Variants in KAZN observed in about 807,000 individuals in gnomAD.
KAZN encodes the protein kazrin, periplakin interacting protein, also known as kazrin.
KAZN carries 40 observed loss-of-function variants against 87.4 expected under a neutral mutation model. The observed-to-expected ratio is 0.46, with a 90% CI of 0.36 to 0.60. The LOEUF (loss-of-function observed/expected upper bound fraction) is 0.60, where lower values mean the gene tolerates loss of function less well. Ranked by LOEUF, KAZN falls within the 20% of genes least tolerant of loss-of-function variation. KAZN has a pLI of 0.00. For synonymous variants in KAZN, 466 were observed against 458.3 expected, an observed-to-expected ratio of 1.02 and a Z score of -0.22; for missense variants, 898 against 1,073.9, an observed-to-expected ratio of 0.84 and a Z score of 2.29.
intron 2 of KAZN, among the ~76,000 whole-genome samples, chr1:14,259,916 A>C (rs753639855): frequency 6.6e-5 from 10 of 152,168 alleles, no homozygotes; most frequent in Non-Finnish European, 1.0e-4. Flanking sequence ...TGAACATATA[A>C]ATGGGCTGTT....
chr1:14,709,448 A>G (rs1002804894), intron 1 of KAZN, among the ~76,000 whole-genome samples: 8 of 152,212 alleles, frequency 5.3e-5, no homozygotes, highest in African/African-American at 1.9e-4. Flanking sequence ...CCAATGAGGC[A>G]GCTCTGAAGA....
intron 2 of KAZN, among the ~76,000 whole-genome samples, chr1:14,362,817 C>A (rs1659631625): frequency 6.6e-6 from 1 of 152,116 alleles, no homozygotes; most frequent in Non-Finnish European, 1.5e-5. Flanking sequence ...TATTTGACTC[C>A]AAGGGGTATA....
chr1:13,992,726 T>G (rs1167255289), intron 1 of KAZN, among the ~76,000 whole-genome samples: 1 of 152,122 alleles, frequency 6.6e-6, no homozygotes, highest in East Asian at 1.9e-4. Flanking sequence ...GACGAGCATC[T>G]TCTTTACTGA....
chr1:13,930,507 T>C (rs1640468666), intron 1 of KAZN, among the ~76,000 whole-genome samples: 1 of 152,220 alleles, frequency 6.6e-6, no homozygotes, highest in African/African-American at 2.4e-5. Context: ...TCCCCCTTTT[T>C]CCCTTTCTCT....
intron 2 of KAZN, among the ~76,000 whole-genome samples, chr1:14,247,182 A>T (rs74500873): frequency 0.013 from 1,938 of 152,274 alleles, 18 homozygotes; most frequent in South Asian, 0.026. Context: ...AAAAATACGG[A>T]TTTTTAAAAT....
chr1:14,200,863 TTAATGA>T (rs1368440364), intron 2 of KAZN, among the ~76,000 whole-genome samples: 5 of 152,132 alleles, frequency 3.3e-5, no homozygotes, highest in Middle Eastern at 3.2e-3. Context: ...TTTTTTTAAT[TTAATGA>T]TAATTTTTTG....
chr1:15,048,653 G>A (rs1486108222), intron 4 of KAZN, among the ~76,000 whole-genome samples: 9 of 147,930 alleles, frequency 6.1e-5, no homozygotes, highest in African/African-American at 1.5e-4. Flanking sequence ...GTCCTGGGTC[G>A]TCGGTCCTGG....
At chr1:13,938,365 T>C (rs1323192824) in intron 1 of KAZN, among the ~76,000 whole-genome samples, 1 of 151,534 alleles carries the variant, frequency 6.6e-6, no homozygotes, top group Non-Finnish European at 1.5e-5. Context: ...TTTTTGTACA[T>C]TGATTTTTTT....
intron 1 of KAZN, among the ~76,000 whole-genome samples, chr1:14,665,061 G>A (rs1327918919): frequency 1.3e-5 from 2 of 152,184 alleles, no homozygotes; most frequent in Non-Finnish European, 2.9e-5. Context: ...GGACTGGTTC[G>A]ATATTTTTAC....
At chr1:14,466,954 GCA>G (rs200498710) in intron 2 of KAZN, among the ~76,000 whole-genome samples, 19,030 of 152,192 alleles carry the variant, frequency 0.13, 1,549 homozygotes, top group Non-Finnish European at 0.19. Flanking sequence ...GGGCGACAGT[GCA>G]AGACTCTGTC....
chr1:13,986,484 A>G (rs534184304), intron 1 of KAZN, among the ~76,000 whole-genome samples: 2 of 152,358 alleles, frequency 1.3e-5, no homozygotes, highest in South Asian at 2.1e-4. Context: ...ATTAATTTTT[A>G]TAGGTCCTAG....
At chr1:14,281,166 A>C (rs966474452) in intron 2 of KAZN, among the ~76,000 whole-genome samples, 3 of 152,078 alleles carry the variant, frequency 2.0e-5, no homozygotes, top group African/African-American at 7.2e-5. Flanking sequence ...GTTTCCTTTG[A>C]TCTAGTTGGT....
Position 14,559,451 on chromosome 1 carries a change from A to G in KAZN, c.250-39532A>G, listed in dbSNP as rs113604683. On this transcript the variant is annotated intron_variant, in intron 2 of 16. Transcript: ENST00000636203. ...TGGCACCTCTGGGAAAACTGCCTTC[A>G]AGCCACTGATGCTATGATCTGGAGC... 3.4e-3 allele frequency among the ~76,000 whole-genome samples: 515 copies of G among 152,306 alleles called. 5 individuals are homozygous for G. The highest frequency in any genetic ancestry group is 0.011 in the African/African-American group (478 of 41,570).
At chr1:14,630,378 G>A (rs988126356) in intron 1 of KAZN, among the ~76,000 whole-genome samples, 4 of 152,072 alleles carry the variant, frequency 2.6e-5, no homozygotes, top group Non-Finnish European at 2.9e-5. Context: ...TTCCTTAACC[G>A]TTGTCTGTAT....
chr1:13,914,745 A>G (rs1284604318), intron 1 of KAZN, among the ~76,000 whole-genome samples: 1 of 152,208 alleles, frequency 6.6e-6, no homozygotes, highest in Non-Finnish European at 1.5e-5. Context: ...TGGAAGGCCA[A>G]ATTGGGAGGA....
intron 2 of KAZN, among the ~76,000 whole-genome samples, chr1:14,479,765 C>G (rs559621501): frequency 6.6e-6 from 1 of 152,234 alleles, no homozygotes; most frequent in Admixed American, 6.5e-5. Flanking sequence ...TCCAAACGCC[C>G]AGGGAGGACC....
intron 1 of KAZN, among the ~76,000 whole-genome samples, chr1:14,079,091 C>T (rs763743645): frequency 6.6e-5 from 10 of 152,170 alleles, no homozygotes; most frequent in South Asian, 4.1e-4. Flanking sequence ...ATTTGGCTCA[C>T]GATTCTGCGG....
At chr1:14,170,378 GAA>G (rs796501217) in intron 1 of KAZN, among the ~76,000 whole-genome samples, 1 of 144,406 alleles carries the variant, frequency 6.9e-6, no homozygotes, top group African/African-American at 2.5e-5. Flanking sequence ...AAGGTAAAAA[GAA>G]AAAAAAAAAT....
At chr1:14,845,368 G>C (rs1185685763) in intron 1 of KAZN, among the ~76,000 whole-genome samples, 1 of 151,196 alleles carries the variant, frequency 6.6e-6, no homozygotes, top group Non-Finnish European at 1.5e-5. Context: ...TGAGTGGATG[G>C]ATGGATGGAT....
Sources: allele counts gnomAD v4.1 joint callset (sites outside exome capture counted in the v4.1 genomes callset), GRCh38; gene constraint gnomAD v4.1.1; transcripts MANE v1.5; gene names NCBI Gene and HGNC (gene_info 2026-07-23, HGNC 2026-07-21).